Variants in UBR4 observed in about 807,000 individuals in gnomAD.
UBR4 encodes E3 ubiquitin-protein ligase UBR4.
Under a neutral mutation model 575.6 loss-of-function variants are expected in UBR4, and 124 were observed. The observed-to-expected ratio is 0.22, with a 90% CI of 0.19 to 0.25. UBR4 has a LOEUF of 0.25. Among genes scored for constraint, UBR4 ranks in the 10% least tolerant of loss-of-function variants. The pLI is 1.00. For synonymous variants in UBR4, 2,455 were observed against 2,473.7 expected (o/e 0.99, Z 0.22); for missense variants, 4,818 against 6,478.8 (o/e 0.74, Z 8.80).
At chr1:19,143,289 A>C (rs998059774) in intron 55 of UBR4, among the ~76,000 whole-genome samples, 7 of 100,800 alleles carry the variant, frequency 6.9e-5, no homozygotes, top group African/African-American at 3.0e-4. Flanking sequence ...AAAGAAAGAA[A>C]GAAAGAAAGA....
Position 19,092,850 on chromosome 1 carries a change from C to T in UBR4, c.14180G>A (p.Arg4727Gln), listed in dbSNP as rs747295539. Reference sequence around the variant, plus strand: ...GCCAGGGTGCTGGATGGCCAGGCCCCGAAGCAGCCTTAGGATAAATGGCAA... The same window carrying T: ...GCCAGGGTGCTGGATGGCCAGGCCCTGAAGCAGCCTTAGGATAAATGGCAA... ...PALPFILRLL[R>Q]GLAIQHPGTQ... Residue 4727 changes from arginine to glutamine, a missense_variant, in exon 97 of 106, where the codon CGG (arginine) becomes CAG (glutamine). By Grantham distance (43) the Arg-to-Gln change is conservative (BLOSUM62 1). Transcript: ENST00000375254. The T allele has an allele frequency of 2.1e-5, 34 of 1,612,902 alleles. No homozygotes were observed. The highest frequency in any genetic ancestry group is 2.5e-5 in the Non-Finnish European group (29 of 1,179,716).
rs2089822590 is a variant in UBR4, at chr1:19,173,177, A to G, written c.3291+4T>C. ...TCTATCATTTAGGTTCCAATATTAC[A>G]TACCTGTCGAGCGAAGTATTCCTCT... On this transcript the variant is annotated splice_donor_region_variant and intron_variant, in intron 24 of 105. Coordinates refer to ENST00000375254, the MANE Select transcript of UBR4 (RefSeq NM_020765.3). 1 of 1,614,110 alleles carries G rather than the reference A, an allele frequency of 6.2e-7. No homozygotes were observed. The highest frequency in any genetic ancestry group is 8.5e-7 in the Non-Finnish European group (1 of 1,180,050).
chr1:19,134,224 A>ACTGCACTGTT (rs1211619462), intron 60 of UBR4, among the ~76,000 whole-genome samples: 1 of 151,880 alleles, frequency 6.6e-6, no homozygotes, highest in Non-Finnish European at 1.5e-5. Flanking sequence ...ACTGCACACC[A>ACTGCACTGTT]GCCTGGGCAA....
chr1:19,131,457 T>C (rs934122496), intron 60 of UBR4, among the ~76,000 whole-genome samples: 1 of 152,180 alleles, frequency 6.6e-6, no homozygotes, highest in African/African-American at 2.4e-5. Flanking sequence ...AAAACCACTA[T>C]AGAGAATTCC....
In UBR4 at chr1:19,076,846, G is replaced by T. The variant is rs368950919; in HGVS notation, c.15381C>A (p.Ile5127=). The part of the protein sequence containing the change: ...GGWSCSLAEY[I]RHNDMPIYEA... ...CGTAGATGGGCATGTCGTTGTGGCGGATGTACTCAGCGAGAGAGCAGGACC... is the reference window on the plus strand; with the variant it reads ...CGTAGATGGGCATGTCGTTGTGGCGTATGTACTCAGCGAGAGAGCAGGACC... Residue 5127 remains isoleucine, a synonymous_variant, in exon 105 of 106, where the codon ATC becomes ATA. Transcript: ENST00000375254. 52 of 1,611,618 alleles carry T rather than the reference G, an allele frequency of 3.2e-5. No homozygotes were observed. The highest frequency in any genetic ancestry group is 4.4e-5 in the Non-Finnish European group (52 of 1,179,028).
Position 19,074,760 on chromosome 1 carries a change from G to A in UBR4, c.*72C>T. ...CAGCATCCCGCGGAGGGAACTTAATGCACAAGGAGGGAGAACAGAGGGTGG... is the reference window on the plus strand; with the variant it reads ...CAGCATCCCGCGGAGGGAACTTAATACACAAGGAGGGAGAACAGAGGGTGG... On this transcript the variant is annotated 3_prime_UTR_variant, in exon 106 of 106. Coordinates refer to ENST00000375254, the MANE Select transcript of UBR4 (RefSeq NM_020765.3). 6.5e-7 allele frequency: 1 copy of A among 1,542,892 alleles called. No individual in the cohort carries two copies. The highest frequency in any genetic ancestry group is 8.9e-7 in the Non-Finnish European group (1 of 1,122,640).
rs2083921931 is a variant in UBR4 at position 19,141,415 on chromosome 1, G to A, written c.8420C>T (p.Pro2807Leu). ...AEGFPPMLDI[P>L]PDADDETMVE... Reference sequence around the variant, plus strand: ...CATGGTCTCGTCATCTGCATCAGGTGGGATGTCCAGCATGGGGGGGAAGCC... The same window carrying A: ...CATGGTCTCGTCATCTGCATCAGGTAGGATGTCCAGCATGGGGGGGAAGCC... The change falls in exon 57 of 106, where the codon CCA (proline) becomes CTA (leucine). Residue 2807 changes from proline (P) to leucine (L), a missense_variant. Physicochemically the swap from Pro to Leu is moderately conservative, Grantham distance 98. Coordinates refer to ENST00000375254, the MANE Select transcript of UBR4 (RefSeq NM_020765.3). The A allele has an allele frequency of 6.2e-7, 1 of 1,614,116 alleles. No homozygotes were observed. Among genetic ancestry groups the A allele is most frequent in the Admixed American group, 1.7e-5 (1 of 60,014 alleles).
chr1:19,112,828 G>C lies in UBR4; in HGVS notation c.11497C>G (p.Leu3833Val). Residue 3833 changes from leucine (L) to valine (V), a missense_variant, in exon 78 of 106, where the codon CTA becomes GTA. Coordinates refer to ENST00000375254, the MANE Select transcript of UBR4 (RefSeq NM_020765.3). ...TTAGTGGCTGCTTCCCTCTGCTGTAGGTCATATTCCAACAACTCTTTGCGC... is the reference window on the plus strand; with the variant it reads ...TTAGTGGCTGCTTCCCTCTGCTGTACGTCATATTCCAACAACTCTTTGCGC... ...ASRKELLEYD[L>V]QQREAATKSS... is the part of the protein sequence containing the mutation. The C allele has an allele frequency of 6.2e-7, 1 of 1,608,852 alleles. No homozygotes were observed. The highest frequency in any genetic ancestry group is 1.3e-5 in the African/African-American group (1 of 74,954).
At position 19,147,020 on chromosome 1, in the gene UBR4, C is replaced by A; in HGVS notation, c.7630-20G>T. 1 of 1,571,608 alleles carries A rather than the reference C, an allele frequency of 6.4e-7. No individual in the cohort carries two copies. Among genetic ancestry groups the A allele is most frequent in the South Asian group, 1.2e-5 (1 of 85,490 alleles). On this transcript the variant is annotated intron_variant, in intron 51 of 105. Coordinates refer to ENST00000375254, the MANE Select transcript of UBR4 (RefSeq NM_020765.3). Reference sequence around the variant, plus strand: ...CTGATCCTGTAAAACAACAGGAGCACAGAGGGTCAGCCATAAGCAAGAGCT... The same window carrying A: ...CTGATCCTGTAAAACAACAGGAGCAAAGAGGGTCAGCCATAAGCAAGAGCT...
Position 19,165,006 on chromosome 1 carries a change from A to C in UBR4, c.4313-9T>G. 1 of 1,613,964 alleles carries C rather than the reference A, an allele frequency of 6.2e-7. No individual in the cohort carries two copies. Among genetic ancestry groups the C allele is most frequent in the African/African-American group, 1.3e-5 (1 of 75,042 alleles). On this transcript the variant is annotated splice_polypyrimidine_tract_variant and intron_variant, in intron 31 of 105. Coordinates refer to ENST00000375254, the MANE Select transcript of UBR4 (RefSeq NM_020765.3). ...GTTAGGGCTCTTCTCAGCTAGGAGC[A>C]GAACAAGAGGCCAGGGTCAGTAAAG...
At chr1:19,190,292 C>CAAAA (rs1184892281) in intron 11 of UBR4, among the ~76,000 whole-genome samples, 4 of 40,322 alleles carry the variant, frequency 9.9e-5, no homozygotes, top group Admixed American at 3.4e-4. Flanking sequence ...GACTCTGCCT[C>CAAAA]AAAAAAAAAA....
intron 94 of UBR4, among the ~76,000 whole-genome samples, chr1:19,094,628 G>A (rs4912045): frequency 0.01 from 1,590 of 152,302 alleles, 19 homozygotes; most frequent in Non-Finnish European, 0.017. Flanking sequence ...TGAAAGGTTG[G>A]ACTAAAGCCT....
chr1:19,186,869 T>A (rs1393677522), intron 13 of UBR4, among the ~76,000 whole-genome samples: 1 of 152,034 alleles, frequency 6.6e-6, no homozygotes, highest in African/African-American at 2.4e-5. Context: ...GTTTCCATAG[T>A]GTCCTCTATG....
At chr1:19,126,961 C>A (rs1009193609) in intron 63 of UBR4, among the ~76,000 whole-genome samples, 3 of 152,198 alleles carry the variant, frequency 2.0e-5, no homozygotes, top group Admixed American at 6.5e-5. Context: ...GGAGGGGACG[C>A]GTTTCCTCTT....
chr1:19,109,521 A>G (rs1415440285), intron 81 of UBR4, among the ~76,000 whole-genome samples: 1 of 152,248 alleles, frequency 6.6e-6, no homozygotes, highest in Non-Finnish European at 1.5e-5. Flanking sequence ...CATTCTAGGC[A>G]AAGAAAGCAG....
At position 19,194,053 on chromosome 1, in the gene UBR4, TG is replaced by T. The variant is rs1436253403; in HGVS notation, c.1019-497del. 3.9e-5 allele frequency among the ~76,000 whole-genome samples: 6 copies of T among 152,272 alleles called. No individual in the cohort carries two copies. The East Asian group carries it at 9.6e-4, about 24-fold the overall frequency. ...AGGGGTCGAGGGATGGGATAAGGAATGAATAGGCAAAGGGGATTTTTAGGAT... is the reference window on the plus strand; with the variant it reads ...AGGGGTCGAGGGATGGGATAAGGAATAATAGGCAAAGGGGATTTTTAGGAT... On this transcript the variant is annotated intron_variant, in intron 8 of 105. Transcript: ENST00000375254.
intron 60 of UBR4, 98 bp from the exon 61 acceptor site, chr1:19,129,172 A>T: frequency 1.0e-6 from 1 of 983,852 alleles, no homozygotes; most frequent in Non-Finnish European, 1.6e-6. Context: ...TACCAAGGTC[A>T]ACAAGAAGCC....
chr1:19,084,506 G>A lies in UBR4; in HGVS notation c.15006C>T (p.Asn5002=). ...YIIHTVLYVL[N]TTRATSREEK... The stretch of plus-strand genomic sequence containing the variant: ...CCCCTGGGACACAGGGTACTGACGT[G>A]TTCAGGACGTAAAGCACAGTGTGAA... The change falls in exon 102 of 106, where the codon AAC becomes AAT. Residue 5002 remains asparagine (N), a splice_region_variant and synonymous_variant. Transcript: ENST00000375254. The A allele has an allele frequency of 6.2e-7, 1 of 1,610,080 alleles. No homozygotes were observed.
rs141938728 is a variant in UBR4 at position 19,083,151 on chromosome 1, G to C, written c.15008+1353C>G. ...CTGTCCAGGGCCCCAGGAACACTGA[G>C]AAGGAGCGAAATTTGGACAGTGGGA... On this transcript the variant is annotated intron_variant, in intron 102 of 105. Coordinates refer to ENST00000375254, the MANE Select transcript of UBR4 (RefSeq NM_020765.3). Among the ~76,000 whole-genome samples, 489 of 152,264 alleles carry C rather than the reference G, an allele frequency of 3.2e-3. 4 individuals carry two copies. The highest frequency in any genetic ancestry group is 4.8e-3 in the Non-Finnish European group (324 of 68,010).
Sources: allele counts gnomAD v4.1 joint callset (sites outside exome capture counted in the v4.1 genomes callset), GRCh38; gene constraint gnomAD v4.1.1; transcripts MANE v1.5; gene names NCBI Gene and HGNC (gene_info 2026-07-23, HGNC 2026-07-21).